The following THOC7 variants were observed in gnomAD, a reference collection of about 807,000 sequenced individuals.
THOC7 encodes THO complex subunit 7.
In THOC7, 22 loss-of-function variants were observed where a neutral mutation model predicts 33.1. That is an observed-to-expected ratio of 0.66 (90% CI 0.47 to 0.95). The LOEUF is 0.95. Among genes scored for constraint, THOC7 ranks in the 40% least tolerant of loss-of-function variants. The pLI, the probability that THOC7 is intolerant of heterozygous loss-of-function variation, is 0.00. For missense variants in THOC7, 184 were observed against 245.3 expected (o/e 0.75, Z 1.67); for synonymous variants, 77 against 76.8 (o/e 1.00, Z -0.01).
At chr3:63,840,856 T>G (rs1004881677) in intron 1 of THOC7, among the ~76,000 whole-genome samples, 2 of 152,212 alleles carry the variant, frequency 1.3e-5, no homozygotes, top group Non-Finnish European at 2.9e-5. Flanking sequence ...AACTGGTAAT[T>G]CTTTGTAGGG....
intron 1 of THOC7, among the ~76,000 whole-genome samples, chr3:63,843,762 A>G (rs569304208): frequency 2.0e-5 from 3 of 152,202 alleles, no homozygotes; most frequent in Non-Finnish European, 2.9e-5. Context: ...TTAGCCAGGC[A>G]TGGTGGCTGG....
chr3:63,846,429 C>T (rs918299058), intron 1 of THOC7, among the ~76,000 whole-genome samples: 3 of 151,932 alleles, frequency 2.0e-5, no homozygotes, highest in Admixed American at 6.6e-5. Flanking sequence ...TTTTTTTAGA[C>T]GGAGTTTCAC....
At chr3:63,834,673 A>G (rs1453805544) in intron 7 of THOC7, among the ~76,000 whole-genome samples, 1 of 151,700 alleles carries the variant, frequency 6.6e-6, no homozygotes, top group Non-Finnish European at 1.5e-5. Flanking sequence ...AAAAAAAAAG[A>G]AAAGAAAAAA....
intron 1 of THOC7, among the ~76,000 whole-genome samples, chr3:63,856,786 C>T (rs1411593220): frequency 2.6e-5 from 4 of 151,810 alleles, no homozygotes; most frequent in African/African-American, 4.8e-5. Context: ...GGCGCTATCT[C>T]GGCTCACTGC....
upstream of THOC7, chr3:63,864,036 G>A (rs201652483): frequency 6.9e-6 from 1 of 145,128 alleles, no homozygotes; most frequent in Non-Finnish European, 1.5e-5. Flanking sequence ...GCCGGCGCGA[G>A]TTGGGGCGAG....
Position 63,838,472 on chromosome 3 carries a change from G to C in THOC7, c.165C>G (p.Ser55Arg). ...TTGAAAATTCACATTGAGACAGCGTGCTCAGCATACGTTGGTACTGGCTAT... is the reference window on the plus strand; with the variant it reads ...TTGAAAATTCACATTGAGACAGCGTCCTCAGCATACGTTGGTACTGGCTAT... Reference protein sequence around the residue: ...EGYSQYQRMLSTLSQCEFSMG... With the variant: ...EGYSQYQRMLRTLSQCEFSMG... The change falls in exon 3 of 8, where the codon AGC becomes AGG. Residue 55 changes from serine (S) to arginine (R), a missense_variant. Coordinates refer to ENST00000295899, the MANE Select transcript of THOC7 (RefSeq NM_025075.4). 6.2e-7 allele frequency: 1 copy of C among 1,609,494 alleles called. No individual in the cohort carries two copies. Among genetic ancestry groups the C allele is most frequent in the Non-Finnish European group, 8.5e-7 (1 of 1,178,682 alleles).
intron 7 of THOC7, 28 bp downstream of exon 7, chr3:63,835,126 C>T (rs761533627): frequency 1.9e-6 from 3 of 1,607,562 alleles, no homozygotes; most frequent in Non-Finnish European, 1.7e-6. Context: ...TCTTCATAAG[C>T]ATTTACTTTG....
intron 1 of THOC7, among the ~76,000 whole-genome samples, chr3:63,843,627 G>A (rs1490759479): frequency 1.3e-5 from 2 of 152,118 alleles, no homozygotes; most frequent in African/African-American, 4.8e-5. Context: ...TGGGCTGGGC[G>A]TGGTGGCTCA....
In THOC7 at chr3:63,835,334, A is replaced by G; in HGVS notation, c.467T>C (p.Val156Ala). The G allele has an allele frequency of 1.2e-6, 2 of 1,613,596 alleles. No homozygotes were observed. Among genetic ancestry groups the G allele is most frequent in the Non-Finnish European group, 1.7e-6 (2 of 1,179,764 alleles). Residue 156 changes from valine (V) to alanine (A), a missense_variant, in exon 6 of 8, where the codon GTT (valine) becomes GCT (alanine). By Grantham distance (64) the Val-to-Ala change is moderately conservative. Transcript: ENST00000295899. ...TATATATGCGAATACCTTATCTTCAACACTTTCTTTAATGTGTGAAAGATG... is the reference window on the plus strand; with the variant it reads ...TATATATGCGAATACCTTATCTTCAGCACTTTCTTTAATGTGTGAAAGATG... ...LEHLSHIKES[V>A]EDKLELRRKQ...
chr3:63,849,004 A>G (rs1701966603), intron 1 of THOC7, among the ~76,000 whole-genome samples: 1 of 152,248 alleles, frequency 6.6e-6, no homozygotes, highest in African/African-American at 2.4e-5. Context: ...TTCAACAAAG[A>G]ATCTGTTCTC....
chr3:63,844,975 A>AT, intron 1 of THOC7: 1 of 662,506 alleles, frequency 1.5e-6, no homozygotes. Context: ...AATCATAAAT[A>AT]AAGACAATTG....
At chr3:63,835,489 A>G (rs1701612701) in intron 5 of THOC7, 99 bp from the exon 6 acceptor site, 1 of 1,087,182 alleles carries the variant, frequency 9.2e-7, no homozygotes, top group African/African-American at 1.6e-5. Context: ...TTTTAAAATA[A>G]AAAAAGGGCT....
At position 63,862,018 on chromosome 3, in the gene THOC7, T is replaced by C. The variant is rs116144109; in HGVS notation, c.19+1754A>G. On this transcript the variant is annotated intron_variant, in intron 1 of 7. Coordinates refer to ENST00000295899, the MANE Select transcript of THOC7 (RefSeq NM_025075.4). ...GTTTTCCAGGCTGGTCTTGAACTTC[T>C]GAGCTCAAGAGGTCCGCCTGCCTTG... 3.1e-3 allele frequency among the ~76,000 whole-genome samples: 469 copies of C among 152,260 alleles called. 3 individuals are homozygous for C. The highest frequency in any genetic ancestry group is 0.011 in the African/African-American group (451 of 41,558).
intron 1 of THOC7, among the ~76,000 whole-genome samples, chr3:63,861,289 C>T (rs1702206090): frequency 6.6e-6 from 1 of 152,154 alleles, no homozygotes; most frequent in African/African-American, 2.4e-5. Context: ...CCCTATCTCC[C>T]ATCTGACAAA....
At chr3:63,845,133 A>C (rs751714715) in intron 1 of THOC7, 2 of 653,900 alleles carry the variant, frequency 3.1e-6, no homozygotes, top group African/African-American at 1.8e-5. Flanking sequence ...TCCTTCATGT[A>C]GCCCTGAGGG....
At position 63,848,217 on chromosome 3, in the gene THOC7, A is replaced by G. The variant is rs144578995; in HGVS notation, c.20-8444T>C. On this transcript the variant is annotated intron_variant, in intron 1 of 7. Coordinates refer to ENST00000295899, the MANE Select transcript of THOC7 (RefSeq NM_025075.4). ...GTCTTTTCCTGATCCAGGAGAGATT[A>G]AGAGTCTGGCACCTTTTTAAGTCTG... The G allele has an allele frequency of 3.9e-5, 6 of 152,302 alleles. No individual in the cohort carries two copies. In the East Asian group the frequency reaches 1.2e-3, roughly 29 times the overall value. 9.4% of individuals were successfully genotyped at this position (152,302 alleles called of 1,614,324 possible).
chr3:63,840,176 C>A (rs1302894527), intron 1 of THOC7, among the ~76,000 whole-genome samples: 2 of 152,054 alleles, frequency 1.3e-5, no homozygotes, highest in African/African-American at 2.4e-5. Flanking sequence ...TGTGAAATAA[C>A]CTGCCCAGAC....
At chr3:63,847,727 ACT>A (rs1280135538) in intron 1 of THOC7, among the ~76,000 whole-genome samples, 2 of 152,130 alleles carry the variant, frequency 1.3e-5, no homozygotes, top group Non-Finnish European at 2.9e-5. Context: ...ACAGAGTGAG[ACT>A]CTGTCTCAAA....
intron 1 of THOC7, chr3:63,863,563 G>A: frequency 8.4e-7 from 1 of 1,196,602 alleles, no homozygotes; most frequent in Non-Finnish European, 1.0e-6. Flanking sequence ...TCTCCGAGGG[G>A]CGCTCGGGCT....
Sources: allele counts gnomAD v4.1 joint callset (sites outside exome capture counted in the v4.1 genomes callset), GRCh38; gene constraint gnomAD v4.1.1; transcripts MANE v1.5; gene names NCBI Gene and HGNC (gene_info 2026-07-23, HGNC 2026-07-21).